Variants in DPH6 observed in about 807,000 individuals in gnomAD.
DPH6 encodes the protein diphthamine biosynthesis 6.
DPH6 carries 33 observed loss-of-function variants against 38.2 expected under a neutral mutation model. The observed-to-expected ratio is 0.86, with a 90% CI of 0.65 to 1.15. The LOEUF is 1.15. DPH6 is among the 50% of genes most tolerant of loss of function. DPH6 has a pLI of 0.00. For synonymous variants in DPH6, 108 were observed against 103.0 expected (o/e 1.05, Z -0.30); for missense variants, 325 against 320.0 (o/e 1.02, Z -0.12).
intron 6 of DPH6, among the ~76,000 whole-genome samples, chr15:35,384,873 T>C (rs1313498375): frequency 6.6e-6 from 1 of 152,092 alleles, no homozygotes; most frequent in Non-Finnish European, 1.5e-5. Context: ...GTTACCCATC[T>C]GGCAAAGGGC....
the DPH6 span, among the ~76,000 whole-genome samples, chr15:35,179,970 T>A: frequency 2.0e-5 from 3 of 152,184 alleles, no homozygotes; most frequent in African/African-American, 7.2e-5. Context: ...CTTGTACTTG[T>A]AAAGATAGAT....
intron 3 of DPH6, among the ~76,000 whole-genome samples, chr15:35,222,908 G>GT (rs1216382237): frequency 6.6e-6 from 1 of 152,074 alleles, no homozygotes; most frequent in African/African-American, 2.4e-5. Flanking sequence ...TTTAATCTTC[G>GT]TAGCTATCTT....
intron 3 of DPH6, among the ~76,000 whole-genome samples, chr15:35,296,274 G>A (rs917593386): frequency 1.1e-4 from 16 of 152,016 alleles, no homozygotes; most frequent in African/African-American, 3.9e-4. Context: ...TTGAAACACT[G>A]GTTGGCCTTG....
the DPH6 span, among the ~76,000 whole-genome samples, chr15:35,194,377 GAGAGAGAGAGAGAGAGAGAT>G: frequency 6.6e-6 from 1 of 151,388 alleles, no homozygotes; most frequent in Non-Finnish European, 1.5e-5. Context: ...TCCAGAGAGA[GAGAGAGAGAGAGAGAGAGAT>G]AGAGAGAGAG....
At chr15:35,192,003 A>T in the DPH6 span, among the ~76,000 whole-genome samples, 1 of 152,164 alleles carries the variant, frequency 6.6e-6, no homozygotes, top group Non-Finnish European at 1.5e-5. Flanking sequence ...TTGTTGTCTC[A>T]GTGATTGGCT....
At chr15:35,523,710 T>C (rs968495289) in intron 3 of DPH6, among the ~76,000 whole-genome samples, 2 of 152,136 alleles carry the variant, frequency 1.3e-5, no homozygotes, top group African/African-American at 4.8e-5. Flanking sequence ...CTTTATTAGC[T>C]ACTATGATAA....
At chr15:35,218,019 A>G (rs957225586) in exon 4 of DPH6, 2 of 152,198 alleles carry the variant, frequency 1.3e-5, no homozygotes, top group East Asian at 1.9e-4. Context: ...AATCACAAGA[A>G]TAAAGTCTGT....
chr15:35,303,118 A>G (rs2052065268), intron 3 of DPH6, among the ~76,000 whole-genome samples: 1 of 152,096 alleles, frequency 6.6e-6, no homozygotes, highest in Admixed American at 6.5e-5. Flanking sequence ...CACAGCAGTT[A>G]GAAAGTACAT....
chr15:35,421,535 A>G (rs1409050708), intron 5 of DPH6, among the ~76,000 whole-genome samples: 3 of 152,336 alleles, frequency 2.0e-5, no homozygotes, highest in South Asian at 4.1e-4. Context: ...AGAACAAATA[A>G]TAAGTGAAAG....
intron 3 of DPH6, among the ~76,000 whole-genome samples, chr15:35,481,090 C>T (rs955657920): frequency 2.2e-4 from 33 of 152,088 alleles, no homozygotes; most frequent in African/African-American, 7.7e-4. Flanking sequence ...AAGATAACTA[C>T]TACCCACATG....
chr15:35,287,769 A>G (rs1273638023), intron 3 of DPH6, among the ~76,000 whole-genome samples: 6 of 152,220 alleles, frequency 3.9e-5, no homozygotes, highest in African/African-American at 1.4e-4. Flanking sequence ...AACTGTCATA[A>G]AAGATCAGTG....
At chr15:35,447,463 C>T (rs1487638893) in intron 5 of DPH6, among the ~76,000 whole-genome samples, 1 of 152,092 alleles carries the variant, frequency 6.6e-6, no homozygotes, top group Non-Finnish European at 1.5e-5. Context: ...CATCTATTAC[C>T]TGTTTTGACC....
intron 3 of DPH6, chr15:35,298,112 C>G (rs930902480): frequency 1.0e-5 from 3 of 287,348 alleles, no homozygotes; most frequent in South Asian, 7.4e-5. Context: ...AGGGATCAAC[C>G]AACATATATC....
rs1444898320 is a variant in DPH6, at chr15:35,265,597, C to T, written n.201-45015G>A. On this transcript the variant is annotated intron_variant and non_coding_transcript_variant, in intron 3 of 3. Transcript: ENST00000560386. ...ATAATAGCTTCTGAAGGTGTTAGCA[C>T]CCAGCAAGACATTTCTCTGCCTTTA... is the stretch of plus-strand genomic sequence containing the variant. 2.6e-5 allele frequency among the ~76,000 whole-genome samples: 4 copies of T among 152,254 alleles called. No individual in the cohort carries two copies. In the East Asian group the frequency reaches 7.7e-4, roughly 29 times the overall value.
intron 3 of DPH6, among the ~76,000 whole-genome samples, chr15:35,491,273 T>C (rs997722892): frequency 1.3e-5 from 2 of 151,956 alleles, no homozygotes; most frequent in Admixed American, 6.6e-5. Flanking sequence ...AATGAACGCC[T>C]ACATAAAGTA....
intron 3 of DPH6, among the ~76,000 whole-genome samples, chr15:35,255,410 A>G (rs2051701129): frequency 1.3e-5 from 2 of 152,200 alleles, no homozygotes; most frequent in African/African-American, 4.8e-5. Context: ...ATTTCTAACC[A>G]AAGTCTCATG....
chr15:35,226,717 G>GA (rs1276731928), intron 3 of DPH6, among the ~76,000 whole-genome samples: 1 of 152,188 alleles, frequency 6.6e-6, no homozygotes, highest in African/African-American at 2.4e-5. Context: ...CATGTTCATG[G>GA]ATTGGAAGAA....
chr15:35,428,514 A>G (rs996953841), intron 5 of DPH6, among the ~76,000 whole-genome samples: 5 of 152,082 alleles, frequency 3.3e-5, no homozygotes, highest in African/African-American at 1.2e-4. Flanking sequence ...GGAAAAAAAC[A>G]AGGGACATGC....
chr15:35,452,538 C>A (rs999724533), intron 4 of DPH6, among the ~76,000 whole-genome samples: 1 of 151,966 alleles, frequency 6.6e-6, no homozygotes, highest in Admixed American at 6.6e-5. Flanking sequence ...ATTAAATGTA[C>A]CATGTTTGGT....
Sources: gnomAD v4.1 joint callset for allele counts (sites outside exome capture counted in the v4.1 genomes callset) on GRCh38, gnomAD v4.1.1 for gene constraint, MANE v1.5 for transcripts, NCBI Gene and HGNC (gene_info 2026-07-23, HGNC 2026-07-21) for gene names.